The following GLIS3 variants were observed in gnomAD, a reference collection of about 807,000 sequenced individuals.
GLIS3 encodes the protein zinc finger protein GLIS3.
Under a neutral mutation model 78.6 loss-of-function variants are expected in GLIS3, and 53 were observed. The ratio of observed to expected loss-of-function variants is 0.67; its 90% CI spans 0.54 to 0.85. The LOEUF (loss-of-function observed/expected upper bound fraction) is 0.85, where lower values mean the gene tolerates loss of function less well. Among genes scored for constraint, GLIS3 ranks in the 40% least tolerant of loss-of-function variants. GLIS3 has a pLI of 0.00. For missense variants in GLIS3, 1,703 were observed against 1,231.1 expected (o/e 1.38, Z -5.74); for synonymous variants, 684 against 509.9 (o/e 1.34, Z -4.60).
the GLIS3 span, among the ~76,000 whole-genome samples, chr9:4,379,706 C>G: frequency 6.6e-6 from 1 of 152,174 alleles, no homozygotes; most frequent in Admixed American, 6.5e-5. Flanking sequence ...GCAGTCAGCA[C>G]CACTCAGGGA....
intron 4 of GLIS3, among the ~76,000 whole-genome samples, chr9:3,991,509 C>T (rs779188294): frequency 5.9e-5 from 9 of 152,096 alleles, no homozygotes; most frequent in Non-Finnish European, 1.3e-4. Flanking sequence ...AAAAATTAAA[C>T]ACGTCTCGGA....
chr9:4,048,964 T>C (rs1156483004), intron 4 of GLIS3, among the ~76,000 whole-genome samples: 1 of 152,194 alleles, frequency 6.6e-6, no homozygotes, highest in Non-Finnish European at 1.5e-5. Context: ...GGACAGGAAA[T>C]TATTTGGGGA....
chr9:3,955,290 C>T (rs1339364767), intron 4 of GLIS3, among the ~76,000 whole-genome samples: 1 of 152,160 alleles, frequency 6.6e-6, no homozygotes, highest in African/African-American at 2.4e-5. Context: ...ACATTGAAAG[C>T]TGAAGGTCAA....
intron 4 of GLIS3, among the ~76,000 whole-genome samples, chr9:4,096,381 G>A (rs1190604820): frequency 2.0e-5 from 3 of 152,132 alleles, no homozygotes; most frequent in Non-Finnish European, 1.5e-5. Flanking sequence ...CATTTGTATT[G>A]TTAACTCATA....
At chr9:4,316,972 A>G (rs1268217821) in intron 2 of GLIS3, among the ~76,000 whole-genome samples, 1 of 151,468 alleles carries the variant, frequency 6.6e-6, no homozygotes, top group Non-Finnish European at 1.5e-5. Context: ...TGTTTTGCTT[A>G]AAGTCACAGT....
chr9:4,367,082 C>G, the GLIS3 span, among the ~76,000 whole-genome samples: 1 of 152,198 alleles, frequency 6.6e-6, no homozygotes, highest in African/African-American at 2.4e-5. Context: ...AATATTAAAA[C>G]CCTTCTAATT....
intron 2 of GLIS3, among the ~76,000 whole-genome samples, chr9:4,135,383 C>A (rs967666328): frequency 6.6e-6 from 1 of 152,140 alleles, no homozygotes; most frequent in Non-Finnish European, 1.5e-5. Flanking sequence ...CTCCCACATT[C>A]TTCTCTGAAT....
chr9:4,485,304 C>G, the GLIS3 span, among the ~76,000 whole-genome samples: 1 of 152,072 alleles, frequency 6.6e-6, no homozygotes, highest in Non-Finnish European at 1.5e-5. Context: ...CGTGAGCCAC[C>G]GCGCTCAGCC....
At chr9:3,970,077 C>T (rs551265346) in intron 4 of GLIS3, among the ~76,000 whole-genome samples, 30 of 152,182 alleles carry the variant, frequency 2.0e-4, no homozygotes, top group Non-Finnish European at 4.0e-4. Flanking sequence ...TGTTAGCTTT[C>T]GTCTCTGCCT....
the GLIS3 span, among the ~76,000 whole-genome samples, chr9:4,355,868 GC>G: frequency 6.6e-6 from 1 of 152,144 alleles, no homozygotes; most frequent in Admixed American, 6.5e-5. Context: ...CTAGAAAGGG[GC>G]ATGTGGGAAA....
At position 3,828,354 on chromosome 9, in the gene GLIS3, C is replaced by T; in HGVS notation, c.2711G>A (p.Gly904Glu). The T allele has an allele frequency of 6.2e-7, 1 of 1,613,908 alleles. No homozygotes were observed. The highest frequency in any genetic ancestry group is 8.5e-7 in the Non-Finnish European group (1 of 1,180,022). Reference sequence around the variant, plus strand: ...CTGCAAGAAGGTAGCATCTTCAGCCCCGCTGCGGAGAGACTCCCCAAAGAG... The same window carrying T: ...CTGCAAGAAGGTAGCATCTTCAGCCTCGCTGCGGAGAGACTCCCCAAAGAG... ...SSLFGESLRSGAEDATFLQIS... is the reference protein window; with the variant it reads ...SSLFGESLRSEAEDATFLQIS... The change falls in exon 11 of 11, where the codon GGG (glycine) becomes GAG (glutamate). Residue 904 changes from glycine (G) to glutamate (E), a missense_variant. Transcript: ENST00000381971.
At chr9:4,200,411 G>C (rs905023462) in intron 2 of GLIS3, among the ~76,000 whole-genome samples, 13 of 151,974 alleles carry the variant, frequency 8.6e-5, no homozygotes, top group African/African-American at 3.1e-4. Flanking sequence ...CTACTAGCTA[G>C]ATTATTCAAA....
chr9:4,466,995 G>A, the GLIS3 span, among the ~76,000 whole-genome samples: 22 of 152,232 alleles, frequency 1.4e-4, no homozygotes, highest in Non-Finnish European at 4.4e-5. Context: ...TCCCGCACCT[G>A]GCTCGGCGGG....
intron 2 of GLIS3, among the ~76,000 whole-genome samples, chr9:4,132,045 T>C (rs111814934): frequency 0.041 from 6,159 of 151,238 alleles, 149 homozygotes; most frequent in African/African-American, 0.051. Flanking sequence ...GGCCAATGTT[T>C]TTTTTAAAAA....
At chr9:4,421,923 A>G in the GLIS3 span, among the ~76,000 whole-genome samples, 1 of 152,176 alleles carries the variant, frequency 6.6e-6, no homozygotes, top group South Asian at 2.1e-4. Flanking sequence ...AAACAATCAG[A>G]TGTTTATTTT....
At chr9:4,276,624 G>A (rs1273476621) in intron 2 of GLIS3, among the ~76,000 whole-genome samples, 1 of 152,086 alleles carries the variant, frequency 6.6e-6, no homozygotes, top group Non-Finnish European at 1.5e-5. Context: ...TCTGCTTCAT[G>A]TCCTGTAGCA....
In GLIS3 at chr9:4,171,509, A is replaced by C. The variant is rs193299235; in HGVS notation, c.389-45568T>G. On this transcript the variant is annotated intron_variant, in intron 2 of 10. Transcript: ENST00000381971. The stretch of plus-strand genomic sequence containing the variant: ...GAATAAACCTCATTCACTTAATTTG[A>C]AAATCAGATGCAGACTTCAAAATTT... Among the ~76,000 whole-genome samples the C allele has an allele frequency of 3.9e-5, 6 of 152,348 alleles. No homozygotes were observed. In the East Asian group the frequency reaches 1.2e-3, roughly 29 times the overall value.
chr9:4,393,089 CT>C, the GLIS3 span, among the ~76,000 whole-genome samples: 1 of 151,998 alleles, frequency 6.6e-6, no homozygotes, highest in African/African-American at 2.4e-5. Flanking sequence ...CAATGGCAGT[CT>C]TTTTTATATT....
chr9:4,411,686 C>G, the GLIS3 span, among the ~76,000 whole-genome samples: 1 of 152,148 alleles, frequency 6.6e-6, no homozygotes, highest in South Asian at 2.1e-4. Flanking sequence ...CTTAACTTCT[C>G]TTCTGCAACA....
Sources: allele counts gnomAD v4.1 joint callset (sites outside exome capture counted in the v4.1 genomes callset), GRCh38; gene constraint gnomAD v4.1.1; transcripts MANE v1.5; gene names NCBI Gene and HGNC (gene_info 2026-07-23, HGNC 2026-07-21).